PDE3A: variants seen among roughly 807,000 people sequenced by gnomAD.
PDE3A encodes cGMP-inhibited 3',5'-cyclic phosphodiesterase 3A.
In PDE3A, 43 loss-of-function variants were observed where a neutral mutation model predicts 98.3. The observed-to-expected ratio is 0.44, with a 90% confidence interval of 0.34 to 0.56. PDE3A has a LOEUF of 0.56. Among genes scored for constraint, PDE3A ranks in the 20% least tolerant of loss-of-function variants. PDE3A has a pLI of 0.01. For synonymous variants in PDE3A, 663 were observed against 567.9 expected (o/e 1.17, Z -2.38); for missense variants, 1,427 against 1,440.7 (o/e 0.99, Z 0.15).
chr12:20,604,553 T>C (rs766094242), intron 2 of PDE3A, among the ~76,000 whole-genome samples: 5 of 152,184 alleles, frequency 3.3e-5, no homozygotes, highest in Non-Finnish European at 7.4e-5. Context: ...GGAATGTTAA[T>C]GAATAGCTTT....
chr12:20,443,219 G>T (rs1288477419), intron 1 of PDE3A, among the ~76,000 whole-genome samples: 2 of 152,040 alleles, frequency 1.3e-5, no homozygotes, highest in African/African-American at 4.8e-5. Context: ...TATAGAAATT[G>T]ATTTGAGGGA....
intron 2 of PDE3A, among the ~76,000 whole-genome samples, chr12:20,596,343 C>T (rs1159249528): frequency 3.9e-5 from 6 of 152,090 alleles, no homozygotes; most frequent in African/African-American, 1.4e-4. Context: ...CCATACAAAA[C>T]CTTGATGATC....
intron 1 of PDE3A, among the ~76,000 whole-genome samples, chr12:20,427,844 T>C (rs1944626560): frequency 6.6e-6 from 1 of 152,026 alleles, no homozygotes; most frequent in Non-Finnish European, 1.5e-5. Context: ...ATCTAGAATA[T>C]ATAATATATT....
chr12:20,390,797 T>C (rs1023543002), intron 1 of PDE3A, among the ~76,000 whole-genome samples: 2 of 151,970 alleles, frequency 1.3e-5, no homozygotes, highest in African/African-American at 2.4e-5. Flanking sequence ...CTGATTAGTA[T>C]GTACATGCTT....
intron 2 of PDE3A, among the ~76,000 whole-genome samples, chr12:20,576,230 T>C (rs889593669): frequency 1.3e-5 from 2 of 152,078 alleles, no homozygotes; most frequent in Non-Finnish European, 2.9e-5. Context: ...ATGAATACTA[T>C]TGAGAGAATT....
intron 5 of PDE3A, among the ~76,000 whole-genome samples, chr12:20,626,959 C>G (rs1449194211): frequency 6.6e-6 from 1 of 152,026 alleles, no homozygotes; most frequent in East Asian, 1.9e-4. Context: ...TCCAAGAACT[C>G]TAATGGTTGT....
chr12:20,518,959 T>C (rs1387845963), intron 1 of PDE3A, among the ~76,000 whole-genome samples: 1 of 152,222 alleles, frequency 6.6e-6, no homozygotes, highest in African/African-American at 2.4e-5. Context: ...TCATTTCATT[T>C]AATTGAAATT....
Position 20,633,026 on chromosome 12 carries a change from C to T in PDE3A, c.1761-667C>T, listed in dbSNP as rs530614653. 6.8e-5 allele frequency among the ~76,000 whole-genome samples: 10 copies of T among 146,336 alleles called. No homozygotes were observed. In the South Asian group the frequency reaches 1.8e-3, roughly 26 times the overall value. On this transcript the variant is annotated intron_variant, in intron 6 of 15. Transcript: ENST00000359062. ...AGTGCAGTGGTGCAATCTCCACTCACTGCAGCCTCCATCTCCCAGGTTCAA... is the reference window on the plus strand; with the variant it reads ...AGTGCAGTGGTGCAATCTCCACTCATTGCAGCCTCCATCTCCCAGGTTCAA...
intron 1 of PDE3A, among the ~76,000 whole-genome samples, chr12:20,492,625 AG>A (rs1351763791): frequency 1.3e-5 from 2 of 152,174 alleles, no homozygotes; most frequent in Admixed American, 6.5e-5. Flanking sequence ...CCTGTGGGAA[AG>A]GGGCTACTGA....
chr12:20,537,655 A>G lies in PDE3A; in HGVS notation c.961-19005A>G, dbSNP rs183203021. 5.7e-3 allele frequency among the ~76,000 whole-genome samples: 865 copies of G among 152,238 alleles called. 9 individuals carry two copies. Among genetic ancestry groups the G allele is most frequent in the African/African-American group, 0.02 (836 of 41,566 alleles). ...TTGCTTTATTTCTTACTCTGAGCAC[A>G]CAATATTAAAGGCCATATGATATTC... is the stretch of plus-strand genomic sequence containing the variant. On this transcript the variant is annotated intron_variant, in intron 1 of 15. Coordinates refer to ENST00000359062, the MANE Select transcript of PDE3A (RefSeq NM_000921.5).
chr12:20,652,035 T>G (rs1944931507), intron 14 of PDE3A, among the ~76,000 whole-genome samples: 1 of 152,122 alleles, frequency 6.6e-6, no homozygotes, highest in Non-Finnish European at 1.5e-5. Flanking sequence ...TTTTTGTCCT[T>G]GCGATAGTTT....
chr12:20,638,769 A>C (rs565341788), intron 9 of PDE3A, among the ~76,000 whole-genome samples: 1 of 152,122 alleles, frequency 6.6e-6, no homozygotes, highest in Non-Finnish European at 1.5e-5. Context: ...GTTCCCTGGT[A>C]TAGAGAGACA....
At chr12:20,445,222 C>T (rs1944935544) in intron 1 of PDE3A, among the ~76,000 whole-genome samples, 1 of 152,184 alleles carries the variant, frequency 6.6e-6, no homozygotes, top group Admixed American at 6.5e-5. Context: ...ATTAAGTTTA[C>T]TAGTGATCCA....
intron 2 of PDE3A, among the ~76,000 whole-genome samples, chr12:20,607,939 T>C (rs1943752801): frequency 6.6e-6 from 1 of 152,162 alleles, no homozygotes; most frequent in Non-Finnish European, 1.5e-5. Context: ...GTACCATTGG[T>C]ATACCTCAAT....
Position 20,583,901 on chromosome 12 carries a change from C to A in PDE3A, c.1011+27191C>A, listed in dbSNP as rs77383764. Among the ~76,000 whole-genome samples the A allele has an allele frequency of 2.2e-4, 33 of 152,226 alleles. No homozygotes were observed. The East Asian group carries it at 6.0e-3, about 28-fold the overall frequency. On this transcript the variant is annotated intron_variant, in intron 2 of 15. Coordinates refer to ENST00000359062, the MANE Select transcript of PDE3A (RefSeq NM_000921.5). ...CTATTATAGAACAGGAAAGCTGTTC[C>A]ATTTCTATGAAAACTGGGAAGTACA...
At chr12:20,377,785 AC>A in intron 1 of PDE3A, among the ~76,000 whole-genome samples, 1 of 151,810 alleles carries the variant, frequency 6.6e-6, no homozygotes, top group South Asian at 2.1e-4. Flanking sequence ...TTAATAAAAG[AC>A]CTTTATATTA....
In PDE3A at chr12:20,501,281, G is replaced by A. The variant is rs891922845; in HGVS notation, c.961-55379G>A. On this transcript the variant is annotated intron_variant, in intron 1 of 15. Transcript: ENST00000359062. ...TCAGAAAAGGGAAAATATTTGTTAAGTCAAAGGAAGTATTTTCTTCATCTT... is the reference window on the plus strand; with the variant it reads ...TCAGAAAAGGGAAAATATTTGTTAAATCAAAGGAAGTATTTTCTTCATCTT... 3.4e-4 allele frequency among the ~76,000 whole-genome samples: 52 copies of A among 152,236 alleles called. 1 individual carries two copies. The highest frequency in any genetic ancestry group is 3.3e-3 in the Admixed American group (51 of 15,272).
At chr12:20,522,002 G>T (rs1291680405) in intron 1 of PDE3A, among the ~76,000 whole-genome samples, 2 of 152,046 alleles carry the variant, frequency 1.3e-5, no homozygotes, top group Non-Finnish European at 2.9e-5. Flanking sequence ...CAAACTCAGG[G>T]CCTCATTCCT....
chr12:20,647,405 C>A (rs1342054718), intron 12 of PDE3A, among the ~76,000 whole-genome samples: 2 of 136,100 alleles, frequency 1.5e-5, no homozygotes, highest in East Asian at 4.6e-4. Flanking sequence ...ATTTTAATAT[C>A]AATTTATTTC....
Sources: gnomAD v4.1 joint callset for allele counts (sites outside exome capture counted in the v4.1 genomes callset) on GRCh38, gnomAD v4.1.1 for gene constraint, MANE v1.5 for transcripts, NCBI Gene and HGNC (gene_info 2026-07-23, HGNC 2026-07-21) for gene names.